The following WDR4 variants were observed in gnomAD, a reference collection of about 807,000 sequenced individuals.
The protein encoded by WDR4 is WDR4 tRNA N7-guanosine methyltransferase non-catalytic subunit, also known as tRNA (guanine-N(7)-)-methyltransferase non-catalytic subunit WDR4.
In WDR4, 47 loss-of-function variants were observed where a neutral mutation model predicts 48.6. The ratio of observed to expected loss-of-function variants is 0.97; its 90% confidence interval spans 0.77 to 1.23. The LOEUF (loss-of-function observed/expected upper bound fraction) is 1.23. WDR4 is among the 50% of genes most tolerant of loss of function. The pLI is 0.00. For missense variants in WDR4, 606 were observed against 551.6 expected, an observed-to-expected ratio of 1.10 and a Z score of -0.99; for synonymous variants, 268 against 230.0, an observed-to-expected ratio of 1.17 and a Z score of -1.49.
In WDR4 at chr21:42,850,188, T is replaced by C. The variant is rs757977286; in HGVS notation, c.1100A>G (p.Asn367Ser). The change falls in exon 11 of 11, where the codon AAC becomes AGC. Residue 367 changes from asparagine (N) to serine (S), a missense_variant. Asn to Ser is a conservative substitution (Grantham distance 46). Transcript: ENST00000398208. The part of the protein sequence containing the change: ...FSSLYKATFD[N>S]VTSYLKKKEE... Reference sequence around the variant, plus strand: ...TTTCTTCTTCAGGTAGGAGGTCACGTTGTCGAACGTGGCCTTGTAGAGACT... The same window carrying C: ...TTTCTTCTTCAGGTAGGAGGTCACGCTGTCGAACGTGGCCTTGTAGAGACT... 9 of 1,613,782 alleles carry C rather than the reference T, an allele frequency of 5.6e-6. No homozygotes were observed. Among genetic ancestry groups the C allele is most frequent in the South Asian group, 2.2e-5 (2 of 91,048 alleles).
intron 6 of WDR4, among the ~76,000 whole-genome samples, chr21:42,856,034 T>C (rs144083540): frequency 1.3e-5 from 2 of 152,306 alleles, no homozygotes; most frequent in East Asian, 1.9e-4. Context: ...ACAAAGCCAA[T>C]GAGGCAGATC....
At chr21:42,870,212 A>T (rs540577711) in intron 3 of WDR4, among the ~76,000 whole-genome samples, 2 of 147,766 alleles carry the variant, frequency 1.4e-5, no homozygotes, top group Non-Finnish European at 1.5e-5. Flanking sequence ...TTAACTGGGC[A>T]TGGTGGTAAG....
At position 42,852,498 on chromosome 21, in the gene WDR4, A is replaced by G. The variant is rs113437360; in HGVS notation, c.976-174T>C. Among the ~76,000 whole-genome samples the G allele has an allele frequency of 0.015, 2,262 of 152,358 alleles. 52 individuals carry two copies. Among genetic ancestry groups the G allele is most frequent in the African/African-American group, 0.05 (2,062 of 41,578 alleles). ...GGGAGGCAGCCCCCGCAGCTGGCCC[A>G]TGATGCCAGGGCAAGCTCTTCACAT... On this transcript the variant is annotated intron_variant, in intron 9 of 10. Transcript: ENST00000398208.
the WDR4 span, among the ~76,000 whole-genome samples, chr21:42,886,247 G>A: frequency 3.3e-5 from 5 of 152,092 alleles, no homozygotes; most frequent in African/African-American, 4.8e-5. Context: ...ATGAGCCACC[G>A]TGCCCAGCCT....
At chr21:42,852,494 G>A (rs1296931133) in intron 9 of WDR4, among the ~76,000 whole-genome samples, 170 bp from the exon 10 acceptor site, 1 of 152,216 alleles carries the variant, frequency 6.6e-6, no homozygotes, top group Non-Finnish European at 1.5e-5. Flanking sequence ...CCCGCAGCTG[G>A]CCCATGATGC....
the WDR4 span, among the ~76,000 whole-genome samples, chr21:42,892,729 T>C: frequency 3.3e-5 from 5 of 152,188 alleles, no homozygotes; most frequent in Admixed American, 2.0e-4. Flanking sequence ...AAACAAAGCT[T>C]CCATTTCCAA....
At chr21:42,886,236 C>A in the WDR4 span, among the ~76,000 whole-genome samples, 1 of 152,188 alleles carries the variant, frequency 6.6e-6, no homozygotes, top group Non-Finnish European at 1.5e-5. Context: ...GGATTACAGG[C>A]ATGAGCCACC....
chr21:42,859,718 C>G lies in WDR4; in HGVS notation c.571G>C (p.Val191Leu), dbSNP rs773816442. The change falls in exon 6 of 11, where the codon GTG becomes CTG. Residue 191 changes from valine to leucine, a missense_variant. By Grantham distance (32) the Val-to-Leu change is conservative. Coordinates refer to ENST00000398208, the MANE Select transcript of WDR4 (RefSeq NM_018669.6). ...GTTGGCACCACGGAGATACGGCTCA[C>G]AAACCTGTGAGGGCGAGAGAGAGCG... is the stretch of plus-strand genomic sequence containing the variant. ...ESFCLGHTEF[V>L]SRISVVPTQP... 28 of 1,559,938 alleles carry G rather than the reference C, an allele frequency of 1.8e-5. No individual in the cohort carries two copies. The highest frequency in any genetic ancestry group is 1.9e-5 in the Non-Finnish European group (22 of 1,151,980).
Position 42,850,231 on chromosome 21 carries a change from C to A in WDR4, c.1057G>T (p.Ala353Ser), listed in dbSNP as rs200755631. Residue 353 changes from alanine to serine, a missense_variant, in exon 11 of 11, where the codon GCA (alanine) becomes TCA (serine). Physicochemically the swap from Ala to Ser is moderately conservative, Grantham distance 99 (BLOSUM62 1). Transcript: ENST00000398208. ...TAGAGACTGCTGAAGCTGGCGTCTG[C>A]GCCGGCAGAGCCTGTGATGGGGGAA... ...NWAMLEGSAG[A>S]DASFSSLYKA... The A allele has an allele frequency of 6.3e-7, 1 of 1,594,524 alleles. No individual in the cohort carries two copies. Among genetic ancestry groups the A allele is most frequent in the Non-Finnish European group, 8.6e-7 (1 of 1,169,478 alleles).
chr21:42,843,829 G>A (rs948525590), intron 11 of WDR4, among the ~76,000 whole-genome samples: 1 of 152,016 alleles, frequency 6.6e-6, no homozygotes, highest in Non-Finnish European at 1.5e-5. Flanking sequence ...AAAATGCTGG[G>A]ATTACAGGCG....
chr21:42,869,871 G>A (rs753087614), intron 3 of WDR4, among the ~76,000 whole-genome samples: 2 of 151,892 alleles, frequency 1.3e-5, no homozygotes, highest in Non-Finnish European at 2.9e-5. Flanking sequence ...AAATTAGCCG[G>A]TCGTGGTGGT....
At chr21:42,858,783 T>C (rs1167937540) in intron 6 of WDR4, among the ~76,000 whole-genome samples, 2 of 152,238 alleles carry the variant, frequency 1.3e-5, no homozygotes, top group African/African-American at 2.4e-5. Context: ...TGTGTGTTAA[T>C]TTGAAGAGCA....
intron 3 of WDR4, among the ~76,000 whole-genome samples, chr21:42,866,934 C>T (rs146847709): frequency 1.4e-3 from 207 of 152,244 alleles, no homozygotes; most frequent in African/African-American, 4.2e-3. Context: ...GGGGAGGCAG[C>T]AAGGCGTGCC....
intron 10 of WDR4, among the ~76,000 whole-genome samples, chr21:42,851,238 T>G (rs1425778346): frequency 1.3e-5 from 2 of 152,122 alleles, no homozygotes; most frequent in African/African-American, 4.8e-5. Context: ...CCGCCTGCAG[T>G]CCCTGACACA....
the WDR4 span, among the ~76,000 whole-genome samples, chr21:42,885,607 C>CAA: frequency 4.0e-5 from 6 of 150,438 alleles, no homozygotes; most frequent in South Asian, 2.1e-4. Flanking sequence ...AAAACTCCAT[C>CAA]AAAAAAAAAT....
chr21:42,855,853 C>A, intron 6 of WDR4, 73 bp from the exon 7 acceptor site: 2 of 1,294,346 alleles, frequency 1.5e-6, no homozygotes, highest in Non-Finnish European at 2.1e-6. Flanking sequence ...GAGAGGACAG[C>A]TGCGTGTGGT....
chr21:42,887,775 G>A, the WDR4 span, among the ~76,000 whole-genome samples: 5 of 151,968 alleles, frequency 3.3e-5, no homozygotes, highest in Admixed American at 6.6e-5. Context: ...AAACTTAGCC[G>A]GGCGTGGTGG....
At chr21:42,890,088 A>C in the WDR4 span, among the ~76,000 whole-genome samples, 1 of 151,970 alleles carries the variant, frequency 6.6e-6, no homozygotes. Flanking sequence ...AAAGAAAAAA[A>C]TATATATATT....
intron 6 of WDR4, among the ~76,000 whole-genome samples, chr21:42,857,516 G>C (rs940549293): frequency 6.6e-6 from 1 of 152,112 alleles, no homozygotes; most frequent in African/African-American, 2.4e-5. Flanking sequence ...CAATGAGAAA[G>C]GCAGACAACA....
Sources: gnomAD v4.1 joint callset for allele counts (sites outside exome capture counted in the v4.1 genomes callset) on GRCh38, gnomAD v4.1.1 for gene constraint, MANE v1.5 for transcripts, NCBI Gene and HGNC (gene_info 2026-07-23, HGNC 2026-07-21) for gene names.